The following SYK variants were observed in gnomAD, a reference collection of about 807,000 sequenced individuals.
SYK encodes the protein spleen associated tyrosine kinase, also known as tyrosine-protein kinase SYK.
A neutral mutation model predicts 77.8 loss-of-function variants in SYK; 16 were observed. That is an observed-to-expected ratio of 0.21 (90% CI 0.14 to 0.31). The LOEUF is 0.31. SYK is among the 10% of genes least tolerant of loss of function. SYK has a pLI of 1.00. For missense variants in SYK, 529 were observed against 814.4 expected (o/e 0.65, Z 4.26); for synonymous variants, 312 against 308.7 (o/e 1.01, Z -0.11).
At chr9:90,827,620 TA>T (rs1825704217) in intron 1 of SYK, 1 of 152,230 alleles carries the variant, frequency 6.6e-6, no homozygotes, top group Non-Finnish European at 1.5e-5. Flanking sequence ...TTAGAAACCC[TA>T]ACCTCAGGCT....
intron 3 of SYK, among the ~76,000 whole-genome samples, chr9:90,849,645 G>T (rs575439771): frequency 5.9e-5 from 9 of 152,290 alleles, no homozygotes; most frequent in African/African-American, 1.9e-4. Flanking sequence ...ATGACACTGC[G>T]CACTCTATGG....
intron 11 of SYK, among the ~76,000 whole-genome samples, chr9:90,879,580 CTCG>C (rs576466270): frequency 7.5e-4 from 115 of 152,346 alleles, no homozygotes; most frequent in African/African-American, 2.6e-3. Context: ...ACCAAATAAA[CTCG>C]TCATCTGTGT....
intron 1 of SYK, among the ~76,000 whole-genome samples, chr9:90,838,376 T>C (rs1226211060): frequency 6.6e-6 from 1 of 152,196 alleles, no homozygotes; most frequent in Admixed American, 6.5e-5. Flanking sequence ...TGCTGCCTTA[T>C]GGAGATGTGC....
chr9:90,852,576 C>A (rs1457642654), intron 3 of SYK, among the ~76,000 whole-genome samples: 1 of 152,156 alleles, frequency 6.6e-6, no homozygotes, highest in Non-Finnish European at 1.5e-5. Context: ...CCTTGTAAAT[C>A]TTACAAAGCC....
At chr9:90,875,836 C>T (rs1827904750) in intron 9 of SYK, among the ~76,000 whole-genome samples, 1 of 152,140 alleles carries the variant, frequency 6.6e-6, no homozygotes, top group Non-Finnish European at 1.5e-5. Flanking sequence ...GAAATACACC[C>T]TCTGTTTGAA....
At chr9:90,804,947 A>T (rs1401225074) in intron 1 of SYK, among the ~76,000 whole-genome samples, 2 of 97,874 alleles carry the variant, frequency 2.0e-5, no homozygotes, top group African/African-American at 3.6e-5. Context: ...AGCTTGTATC[A>T]ATTTGAGGTT....
chr9:90,818,494 G>A (rs533426433), intron 1 of SYK, among the ~76,000 whole-genome samples: 23 of 152,302 alleles, frequency 1.5e-4, no homozygotes, highest in African/African-American at 3.8e-4. Context: ...GGGGGCTGTC[G>A]CAGCAGCTGA....
rs559773505 is a variant in SYK, at chr9:90,869,566, T to G, written c.915+2367T>G. On this transcript the variant is annotated intron_variant, in intron 7 of 13. Transcript: ENST00000375754. ...AGTCATGAGAAAAGAATTGTGAGAATTATGTCAAATGTCCCATCATGTTAG... is the reference window on the plus strand; with the variant it reads ...AGTCATGAGAAAAGAATTGTGAGAAGTATGTCAAATGTCCCATCATGTTAG... Among the ~76,000 whole-genome samples, 13 of 152,314 alleles carry G rather than the reference T, an allele frequency of 8.5e-5. No homozygotes were observed. In the East Asian group the frequency reaches 2.1e-3, roughly 25 times the overall value.
At chr9:90,845,233 G>A (rs184072329) in intron 2 of SYK, among the ~76,000 whole-genome samples, 3 of 152,286 alleles carry the variant, frequency 2.0e-5, no homozygotes, top group South Asian at 4.1e-4. Flanking sequence ...ACCGTGCCCG[G>A]CCATGTTATT....
rs1390891205 is a variant in SYK at position 90,857,646 on chromosome 9, A to G, written c.579-4560A>G. On this transcript the variant is annotated intron_variant, in intron 3 of 13. Coordinates refer to ENST00000375754, the MANE Select transcript of SYK (RefSeq NM_003177.7). ...ATCTATATCTTTCATGGATCAGTAA[A>G]GCTGGCATTTCTCCTGCCTCTTGCT... Among the ~76,000 whole-genome samples the G allele has an allele frequency of 3.9e-5, 6 of 152,282 alleles. No individual in the cohort carries two copies. The South Asian group carries it at 1.2e-3, about 32-fold the overall frequency.
intron 3 of SYK, among the ~76,000 whole-genome samples, chr9:90,847,263 G>A (rs1267610122): frequency 6.6e-6 from 1 of 152,130 alleles, no homozygotes; most frequent in Non-Finnish European, 1.5e-5. Flanking sequence ...TATGGTTTAT[G>A]CAAGAGAGTC....
chr9:90,877,513 A>G, intron 9 of SYK, 58 bp from the exon 10 acceptor site: 1 of 1,576,378 alleles, frequency 6.3e-7, no homozygotes, highest in East Asian at 2.3e-5. Flanking sequence ...ACAGGATAAG[A>G]TTATCTAGAA....
chr9:90,896,500 A>C lies in SYK; in HGVS notation c.*900A>C, dbSNP rs909578520. ...TCTCCTCCACAGAGAGGGTGCCGCC[A>C]GAATCCCCTGTCGCTTTCTGTGTCT... is the stretch of plus-strand genomic sequence containing the variant. On this transcript the variant is annotated 3_prime_UTR_variant, in exon 14 of 14. Transcript: ENST00000375754. The C allele has an allele frequency of 4.3e-6, 1 of 233,038 alleles. No homozygotes were observed. Among genetic ancestry groups the C allele is most frequent in the African/African-American group, 2.2e-5 (1 of 45,346 alleles). 14.4% of individuals were successfully genotyped at this position (233,038 alleles called of 1,614,324 possible).
intron 11 of SYK, among the ~76,000 whole-genome samples, chr9:90,880,596 A>G (rs961022726): frequency 4.6e-5 from 7 of 152,236 alleles, no homozygotes; most frequent in African/African-American, 1.7e-4. Context: ...GCCTGTCTGA[A>G]ACAAGGACAC....
chr9:90,872,672 C>T (rs1587894768), intron 7 of SYK, among the ~76,000 whole-genome samples: 1 of 152,206 alleles, frequency 6.6e-6, no homozygotes, highest in East Asian at 1.9e-4. Context: ...TATTTCTCTT[C>T]ATCAGCATAA....
chr9:90,863,108 C>T (rs761634668), intron 4 of SYK, among the ~76,000 whole-genome samples: 2 of 152,224 alleles, frequency 1.3e-5, no homozygotes, highest in Admixed American at 6.5e-5. Flanking sequence ...TTCCCTGAAT[C>T]GCAGTGAGCA....
chr9:90,814,160 C>A (rs1288055579), intron 1 of SYK, among the ~76,000 whole-genome samples: 3 of 152,040 alleles, frequency 2.0e-5, no homozygotes, highest in African/African-American at 7.2e-5. Flanking sequence ...AAATGTATCA[C>A]CCCCATTATC....
Position 90,847,506 on chromosome 9 carries a change from C to T in SYK, c.578+1912C>T, listed in dbSNP as rs200593094. Among the ~76,000 whole-genome samples, 8 of 152,378 alleles carry T rather than the reference C, an allele frequency of 5.3e-5. No homozygotes were observed. The East Asian group carries it at 1.5e-3, about 29-fold the overall frequency. ...ACCTCCCAGATAATAGCTTCCAAGG[C>T]TTTCTCCCTTGTGTTGTCCACAGCT... On this transcript the variant is annotated intron_variant, in intron 3 of 13. Coordinates refer to ENST00000375754, the MANE Select transcript of SYK (RefSeq NM_003177.7).
chr9:90,846,478 T>A (rs569210785), intron 3 of SYK, among the ~76,000 whole-genome samples: 1 of 152,316 alleles, frequency 6.6e-6, no homozygotes, highest in East Asian at 1.9e-4. Context: ...TTCAAAGGAA[T>A]TTCCTCAGAC....
Sources: gnomAD v4.1 joint callset for allele counts (sites outside exome capture counted in the v4.1 genomes callset) on GRCh38, gnomAD v4.1.1 for gene constraint, MANE v1.5 for transcripts, NCBI Gene and HGNC (gene_info 2026-07-23, HGNC 2026-07-21) for gene names.